Variants in MTR observed in about 807,000 individuals in gnomAD.
MTR encodes 5-methyltetrahydrofolate-homocysteine methyltransferase, also known as methionine synthase.
A neutral mutation model predicts 154.8 loss-of-function variants in MTR; 84 were observed. That is an observed-to-expected ratio of 0.54 (90% CI 0.45 to 0.65). MTR has a LOEUF of 0.65. Ranked by LOEUF, MTR falls within the 30% of genes least tolerant of loss-of-function variation. The probability of loss-of-function intolerance (pLI) is 0.00; values close to 1 mark genes in which losing one functional copy is unlikely to be tolerated. For synonymous variants in MTR, 554 were observed against 553.9 expected, an observed-to-expected ratio of 1.00 and a Z score of 0.00; for missense variants, 1,275 against 1,570.2, an observed-to-expected ratio of 0.81 and a Z score of 3.18.
At chr1:236,886,409 C>CT (rs1348399520) in intron 27 of MTR, 42 bp downstream of exon 27, 1 of 1,581,628 alleles carries the variant, frequency 6.3e-7, no homozygotes, top group Non-Finnish European at 8.7e-7. Context: ...GGTGTGGTAA[C>CT]TGACAGTGTG....
rs1223947584 is a variant in MTR at position 236,795,371 on chromosome 1, T to C, written c.-333T>C. 1.5e-6 allele frequency: 2 copies of C among 1,376,986 alleles called. No individual in the cohort carries two copies. The highest frequency in any genetic ancestry group is 9.6e-7 in the Non-Finnish European group (1 of 1,045,434). The allele number at this position is 1,376,986 out of a possible 1,614,324, so 85.3% of individuals were successfully genotyped here. A position where few individuals can be genotyped will look rare whatever the true frequency, so the allele number is the denominator to read the frequency against. ...GTCACGTCGTCCTCCTCTGCCGGTT[T>C]TCTCTTGGGTCCTTTTCCGTGCCGT... On this transcript the variant is annotated 5_prime_UTR_variant, in exon 1 of 33. Transcript: ENST00000366577.
chr1:236,808,838 T>C lies in MTR; in HGVS notation c.409+65T>C, dbSNP rs566554704. 1.1e-5 allele frequency: 16 copies of C among 1,460,600 alleles called. 1 individual carries two copies. The Middle Eastern group carries it at 2.4e-3, about 221-fold the overall frequency. 90.5% of individuals were successfully genotyped at this position (1,460,600 alleles called of 1,614,324 possible). On this transcript the variant is annotated intron_variant, in intron 4 of 32. Transcript: ENST00000366577. ...TTTGATACTGTCAGCTATAATGTGC[T>C]GTCCTTATTGCAGTTTTTCCTTATG... is the stretch of plus-strand genomic sequence containing the variant.
rs78087269 is a variant in MTR at position 236,835,262 on chromosome 1, G to A, written c.1189-285G>A. Among the ~76,000 whole-genome samples the A allele has an allele frequency of 3.5e-4, 53 of 152,160 alleles. No individual in the cohort carries two copies. The East Asian group carries it at 0.01, about 29-fold the overall frequency. ...AAGTTCAGCTGGGTAAGAAGATGGG[G>A]CCAGCTCAGAGGGCCTTGACTGCCA... On this transcript the variant is annotated intron_variant, in intron 13 of 32. Transcript: ENST00000366577.
At chr1:236,821,368 C>T (rs1661937897) in intron 8 of MTR, among the ~76,000 whole-genome samples, 1 of 152,232 alleles carries the variant, frequency 6.6e-6, no homozygotes, top group Admixed American at 6.5e-5. Flanking sequence ...ATGATCTGAT[C>T]ATCTGTAAAG....
At position 236,891,241 on chromosome 1, in the gene MTR, G is replaced by T. The variant is rs1205215968; in HGVS notation, c.3116G>T (p.Ser1039Ile). ...GTGGTTGGGTTCTGGCCAGCACAGA[G>T]TATCCAAGACGACATTCACCTGTAC... The part of the protein sequence containing the change: ...RGVVGFWPAQ[S>I]IQDDIHLYAE... Residue 1039 changes from serine to isoleucine, a missense_variant, in exon 29 of 33, where the codon AGT (serine) becomes ATT (isoleucine). By Grantham distance (142) the Ser-to-Ile change is moderately radical (BLOSUM62 -2). Coordinates refer to ENST00000366577, the MANE Select transcript of MTR (RefSeq NM_000254.3). 2 of 1,614,172 alleles carry T rather than the reference G, an allele frequency of 1.2e-6. No individual in the cohort carries two copies.
chr1:236,845,675 C>T (rs1166629693), intron 15 of MTR, among the ~76,000 whole-genome samples: 1 of 152,192 alleles, frequency 6.6e-6, no homozygotes, highest in Non-Finnish European at 1.5e-5. Context: ...CATAATTTTA[C>T]TGGACTATTC....
At chr1:236,854,872 C>G (rs1006346909) in intron 18 of MTR, among the ~76,000 whole-genome samples, 2 of 152,194 alleles carry the variant, frequency 1.3e-5, no homozygotes, top group African/African-American at 4.8e-5. Flanking sequence ...CCTGGAGGCA[C>G]TGTCAAAGTG....
chr1:236,882,189 A>G (rs912519938), intron 25 of MTR, among the ~76,000 whole-genome samples: 3 of 152,184 alleles, frequency 2.0e-5, no homozygotes, highest in Admixed American at 2.0e-4. Context: ...ATAGGAGCTT[A>G]TGTCAGGTCC....
intron 11 of MTR, among the ~76,000 whole-genome samples, chr1:236,828,233 T>A (rs925401200): frequency 6.6e-6 from 1 of 152,180 alleles, no homozygotes; most frequent in African/African-American, 2.4e-5. Flanking sequence ...CACCTTGGCC[T>A]CCCAAAGTGC....
At position 236,829,054 on chromosome 1, in the gene MTR, G is replaced by A. The variant is rs114477205; in HGVS notation, c.996-135G>A. The A allele has an allele frequency of 5.6e-4, 388 of 693,414 alleles. 1 individual carries two copies. In the African/African-American group the frequency reaches 6.6e-3, roughly 12 times the overall value. 43.0% of individuals were successfully genotyped at this position (693,414 alleles called of 1,614,324 possible). A position where few individuals can be genotyped will look rare whatever the true frequency, so the allele number is the denominator to read the frequency against. On this transcript the variant is annotated intron_variant, in intron 11 of 32. Transcript: ENST00000366577. The stretch of plus-strand genomic sequence containing the variant: ...AGGCATGATTGTTGCTGCACACTTG[G>A]AAGTAGGTATATAATTATATGTATA...
Position 236,835,529 on chromosome 1 carries a change from C to T in MTR, c.1189-18C>T, listed in dbSNP as rs757612287. On this transcript the variant is annotated intron_variant, in intron 13 of 32. Coordinates refer to ENST00000366577, the MANE Select transcript of MTR (RefSeq NM_000254.3). The stretch of plus-strand genomic sequence containing the variant: ...TAACTGTCTCCTAATGCTGCTTCCT[C>T]TCTCATTCTTCCTTCAGGAAGCCTT... 6.2e-6 allele frequency: 10 copies of T among 1,612,632 alleles called. No homozygotes were observed. Among genetic ancestry groups the T allele is most frequent in the Middle Eastern group, 1.6e-4 (1 of 6,062 alleles).
chr1:236,822,619 AATTTCAAATTTTG>A (rs1235503744), intron 8 of MTR, among the ~76,000 whole-genome samples: 1 of 152,104 alleles, frequency 6.6e-6, no homozygotes, highest in African/African-American at 2.4e-5. Flanking sequence ...CTGTGTTTTT[AATTTCAAATTTTG>A]ATTGCTCATA....
rs113698382 is a variant in MTR, at chr1:236,808,121, G to A, written c.340-583G>A. Among the ~76,000 whole-genome samples, 678 of 152,258 alleles carry A rather than the reference G, an allele frequency of 4.5e-3. 11 individuals are homozygous for A. Among genetic ancestry groups the A allele is most frequent in the African/African-American group, 0.016 (646 of 41,536 alleles). On this transcript the variant is annotated intron_variant, in intron 3 of 32. Coordinates refer to ENST00000366577, the MANE Select transcript of MTR (RefSeq NM_000254.3). ...TCTGTGGAAGAGCTTCTGGAGGGCC[G>A]TGAACCTCCTTAAATCATAGGCAAC...
At chr1:236,860,069 G>GCCCCCCCCCCCCCCCCC (rs59525673) in intron 19 of MTR, 147 bp downstream of exon 19, 2 of 270,546 alleles carry the variant, frequency 7.4e-6, no homozygotes, top group Non-Finnish European at 1.4e-5. Context: ...TCCCCCAGCT[G>GCCCCCCCCCCCCCCCCC]CCCCCCCCCC....
intron 22 of MTR, among the ~76,000 whole-genome samples, chr1:236,871,834 G>GT (rs879270345): frequency 4.9e-4 from 73 of 149,198 alleles, no homozygotes; most frequent in East Asian, 2.0e-3. Flanking sequence ...ATATGTCATA[G>GT]TTTTTTTTTT....
chr1:236,803,674 A>T (rs1328621054), intron 2 of MTR, 32 bp downstream of exon 2: 1 of 1,588,076 alleles, frequency 6.3e-7, no homozygotes, highest in Admixed American at 1.7e-5. Context: ...ATGTGTATTC[A>T]TTCTGTTATT....
At chr1:236,810,328 A>C (rs1484036905) in intron 4 of MTR, among the ~76,000 whole-genome samples, 175 bp from the exon 5 acceptor site, 1 of 152,204 alleles carries the variant, frequency 6.6e-6, no homozygotes, top group Non-Finnish European at 1.5e-5. Flanking sequence ...GGAGAGGTCA[A>C]GTTTTATTGT....
In MTR at chr1:236,815,655, C is replaced by G. The variant is rs748122772; in HGVS notation, c.661C>G (p.Pro221Ala). 3.1e-6 allele frequency: 5 copies of G among 1,612,524 alleles called. No individual in the cohort carries two copies. Among genetic ancestry groups the G allele is most frequent in the Non-Finnish European group, 4.2e-6 (5 of 1,179,646 alleles). Residue 221 changes from proline to alanine, a missense_variant, in exon 7 of 33, where the codon CCT becomes GCT. Transcript: ENST00000366577. ...TTTTGAGGAGAAATATGCTCCCCGG[C>G]CTATCTTTGTAAGTTCTAAAGTGTT... Reference protein sequence around the residue: ...NLFEEKYAPRPIFISGTIVDK... With the variant: ...NLFEEKYAPRAIFISGTIVDK...
intron 19 of MTR, among the ~76,000 whole-genome samples, chr1:236,860,872 C>G (rs1664496023): frequency 6.6e-6 from 1 of 152,066 alleles, no homozygotes; most frequent in African/African-American, 2.4e-5. Flanking sequence ...ATCAATAAAG[C>G]CAGCTAAGCA....
Sources: allele counts gnomAD v4.1 joint callset (sites outside exome capture counted in the v4.1 genomes callset), GRCh38; gene constraint gnomAD v4.1.1; transcripts MANE v1.5; gene names NCBI Gene and HGNC (gene_info 2026-07-23, HGNC 2026-07-21).